DLGAP2: variants seen among roughly 807,000 people sequenced by gnomAD.
DLGAP2 encodes the protein DLG associated protein 2.
In DLGAP2, 26 loss-of-function variants were observed where a neutral mutation model predicts 100.3. The ratio of observed to expected loss-of-function variants is 0.26; its 90% confidence interval spans 0.19 to 0.36. DLGAP2 has a LOEUF of 0.36. Among genes scored for constraint, DLGAP2 ranks in the 10% least tolerant of loss-of-function variants. The probability of loss-of-function intolerance (pLI) is 1.00; values close to 1 mark genes in which losing one functional copy is unlikely to be tolerated. For synonymous variants in DLGAP2, 886 were observed against 630.1 expected (o/e 1.41, Z -6.08); for missense variants, 1,858 against 1,453.2 (o/e 1.28, Z -4.53).
chr8:1,572,918 A>C (rs1802794347), intron 6 of DLGAP2, among the ~76,000 whole-genome samples: 1 of 122,728 alleles, frequency 8.1e-6, no homozygotes, highest in African/African-American at 3.1e-5. Context: ...GGGGTGTCTG[A>C]TGAGATGGAG....
At chr8:1,394,300 C>T (rs2129825321) in intron 3 of DLGAP2, among the ~76,000 whole-genome samples, 1 of 288 alleles carries the variant, frequency 3.5e-3, no homozygotes, top group Non-Finnish European at 6.5e-3. Flanking sequence ...TACTGAGCGC[C>T]ACCTCCTTGT....
chr8:1,065,172 C>T (rs1013739491), intron 2 of DLGAP2, among the ~76,000 whole-genome samples: 1 of 152,224 alleles, frequency 6.6e-6, no homozygotes, highest in Admixed American at 6.5e-5. Flanking sequence ...CTTCTGTGCA[C>T]ACAACCCAGT....
At chr8:916,339 A>G (rs1380399223) in intron 2 of DLGAP2, among the ~76,000 whole-genome samples, 2 of 152,244 alleles carry the variant, frequency 1.3e-5, no homozygotes, top group East Asian at 3.8e-4. Flanking sequence ...ATGGAATACT[A>G]TGCAGCCATA....
chr8:1,690,950 A>G (rs1206278807), intron 12 of DLGAP2, among the ~76,000 whole-genome samples: 8 of 152,084 alleles, frequency 5.3e-5, no homozygotes, highest in African/African-American at 1.9e-4. Flanking sequence ...ACATCTTCCT[A>G]CGTGCTACGA....
chr8:786,628 G>T (rs867990528), intron 1 of DLGAP2, among the ~76,000 whole-genome samples: 1 of 152,050 alleles, frequency 6.6e-6, no homozygotes, highest in East Asian at 1.9e-4. Flanking sequence ...CGGGAGAGAC[G>T]GGCGCTGCCT....
At chr8:1,502,500 T>G (rs1240428421) in intron 4 of DLGAP2, among the ~76,000 whole-genome samples, 1 of 152,226 alleles carries the variant, frequency 6.6e-6, no homozygotes, top group African/African-American at 2.4e-5. Flanking sequence ...GACCGTCCAT[T>G]ATCCACTGCA....
intron 1 of DLGAP2, among the ~76,000 whole-genome samples, chr8:830,485 A>G (rs1796760983): frequency 6.6e-6 from 1 of 151,914 alleles, no homozygotes. Context: ...CCATCATTCT[A>G]CTCTCTATCT....
At chr8:1,065,492 C>T (rs113004515) in intron 2 of DLGAP2, among the ~76,000 whole-genome samples, 23 of 152,316 alleles carry the variant, frequency 1.5e-4, no homozygotes, top group East Asian at 7.7e-4. Context: ...TCACACAACA[C>T]GGAGCGTTTT....
intron 3 of DLGAP2, among the ~76,000 whole-genome samples, chr8:1,356,312 C>G (rs1554450291): frequency 6.6e-6 from 1 of 152,230 alleles, no homozygotes; most frequent in Non-Finnish European, 1.5e-5. Flanking sequence ...CTCCCCTCAC[C>G]TTACGGTTTC....
chr8:790,301 C>T lies in DLGAP2; in HGVS notation c.18+52476C>T, dbSNP rs1204026092. 2.0e-5 allele frequency among the ~76,000 whole-genome samples: 3 copies of T among 152,160 alleles called. No homozygotes were observed. In the South Asian group the frequency reaches 6.2e-4, roughly 32 times the overall value. On this transcript the variant is annotated intron_variant, in intron 1 of 14. Transcript: ENST00000637795. The stretch of plus-strand genomic sequence containing the variant: ...AATAGAAGGGTTTGCCTGGGCTGTG[C>T]AGGGTGCAGAGACAGGTGAAGCTGT...
chr8:1,444,771 C>CTTTT (rs914045708), intron 3 of DLGAP2, among the ~76,000 whole-genome samples: 1,072 of 79,652 alleles, frequency 0.013, 6 homozygotes, highest in African/African-American at 0.017. Context: ...CCAGGTCATT[C>CTTTT]TTTTTTTTTT....
intron 2 of DLGAP2, among the ~76,000 whole-genome samples, chr8:1,007,732 T>A (rs568613183): frequency 6.6e-6 from 1 of 152,114 alleles, no homozygotes; most frequent in South Asian, 2.1e-4. Context: ...AACCTTCATA[T>A]AAGGAAGCAG....
intron 2 of DLGAP2, among the ~76,000 whole-genome samples, chr8:1,171,367 G>C (rs1055503439): frequency 9.9e-5 from 15 of 152,146 alleles, no homozygotes; most frequent in African/African-American, 3.6e-4. Flanking sequence ...CTGTTGATTT[G>C]GGGTGGAGAG....
chr8:1,666,244 G>GA (rs1204163829), intron 8 of DLGAP2, among the ~76,000 whole-genome samples: 7 of 151,680 alleles, frequency 4.6e-5, no homozygotes, highest in Admixed American at 1.3e-4. Flanking sequence ...AGGAACAAAA[G>GA]AAAAAAAGAC....
Position 1,467,708 on chromosome 8 carries a change from C to T in DLGAP2, c.107-33658C>T, listed in dbSNP as rs536179681. ...GGCAACGTCCCATCACTAAAGGGAG[C>T]GTGGCCTGGCTGCTCTCCATAGCTC... On this transcript the variant is annotated intron_variant, in intron 3 of 14. Coordinates refer to ENST00000637795, the MANE Select transcript of DLGAP2 (RefSeq NM_001346810.2). Among the ~76,000 whole-genome samples the T allele has an allele frequency of 4.7e-4, 71 of 152,286 alleles. 1 individual carries two copies. Among genetic ancestry groups the T allele is most frequent in the South Asian group, 2.5e-3 (12 of 4,830 alleles).
chr8:818,972 G>A (rs1796537032), intron 1 of DLGAP2, among the ~76,000 whole-genome samples: 2 of 152,158 alleles, frequency 1.3e-5, no homozygotes, highest in African/African-American at 4.8e-5. Flanking sequence ...TTTACAAGAG[G>A]AACTGGCTCA....
chr8:1,697,355 AC>A, intron 14 of DLGAP2, 56 bp downstream of exon 14: 2 of 1,532,698 alleles, frequency 1.3e-6, no homozygotes, highest in Non-Finnish European at 8.8e-7. Context: ...CACTGCACTA[AC>A]GACCTGCTGC....
chr8:1,060,149 G>T (rs1306507980), intron 2 of DLGAP2, among the ~76,000 whole-genome samples: 4 of 152,192 alleles, frequency 2.6e-5, no homozygotes. Flanking sequence ...AAAGCCTCAG[G>T]GCGTGCGTGG....
intron 3 of DLGAP2, among the ~76,000 whole-genome samples, chr8:1,304,162 G>A (rs973513528): frequency 2.0e-5 from 3 of 152,208 alleles, no homozygotes; most frequent in Admixed American, 1.3e-4. Context: ...TGTTCCATGG[G>A]AGCAGGCCAG....
Sources: gnomAD v4.1 joint callset for allele counts (sites outside exome capture counted in the v4.1 genomes callset) on GRCh38, gnomAD v4.1.1 for gene constraint, MANE v1.5 for transcripts, NCBI Gene and HGNC (gene_info 2026-07-23, HGNC 2026-07-21) for gene names.